RBFOX3: variants seen among roughly 807,000 people sequenced by gnomAD.
The protein encoded by RBFOX3 is RNA binding fox-1 homolog 3, also known as RNA binding protein fox-1 homolog 3.
Under a neutral mutation model 48.7 loss-of-function variants are expected in RBFOX3, and 17 were observed. That is an observed-to-expected ratio of 0.35 (90% CI 0.24 to 0.52). RBFOX3 has a LOEUF of 0.52. Ranked by LOEUF, RBFOX3 falls within the 20% of genes least tolerant of loss-of-function variation. RBFOX3 has a pLI of 0.94. For synonymous variants in RBFOX3, 212 were observed against 209.5 expected, an observed-to-expected ratio of 1.01 and a Z score of -0.10; for missense variants, 382 against 497.5, an observed-to-expected ratio of 0.77 and a Z score of 2.21.
chr17:79,244,985 C>T (rs2148109034), intron 3 of RBFOX3, among the ~76,000 whole-genome samples: 1 of 148,120 alleles, frequency 6.8e-6, no homozygotes, highest in East Asian at 2.0e-4. Flanking sequence ...CCCTCCCTCC[C>T]TTCCTTCCTC....
intron 4 of RBFOX3, among the ~76,000 whole-genome samples, chr17:79,173,856 C>T (rs2049923184): frequency 6.6e-6 from 1 of 150,412 alleles, no homozygotes; most frequent in South Asian, 2.1e-4. Context: ...ATTCTGAGAC[C>T]CTCTCCCCAC....
rs1568207900 is a variant in RBFOX3 at position 79,138,950 on chromosome 17, AGCCC to A, written c.-33-23206_-33-23203del. On this transcript the variant is annotated intron_variant, in intron 4 of 14. Coordinates refer to ENST00000693108, the MANE Select transcript of RBFOX3 (RefSeq NM_001350451.2). ...CAGCACATGCATTCACACCCCCCTC[AGCCC>A]CACACATGCACACAGCACATGCGTT... 9.3e-4 allele frequency among the ~76,000 whole-genome samples: 15 copies of A among 16,138 alleles called. 1 individual carries two copies. Among genetic ancestry groups the A allele is most frequent in the African/African-American group, 4.3e-3 (14 of 3,224 alleles). 10.6% of individuals were successfully genotyped at this position (16,138 alleles called of 152,430 possible). A position where few individuals can be genotyped will look rare whatever the true frequency, so the allele number is the denominator to read the frequency against.
At chr17:79,356,068 G>A (rs1180914199) in intron 2 of RBFOX3, among the ~76,000 whole-genome samples, 8 of 152,202 alleles carry the variant, frequency 5.3e-5, no homozygotes, top group Admixed American at 5.2e-4. Flanking sequence ...GAGCATGAAT[G>A]TGGGGATGTG....
At chr17:79,286,934 C>T (rs951650674) in intron 3 of RBFOX3, among the ~76,000 whole-genome samples, 1 of 152,204 alleles carries the variant, frequency 6.6e-6, no homozygotes, top group Non-Finnish European at 1.5e-5. Context: ...TTCCCTAATC[C>T]ACCCTATGTG....
chr17:79,569,996 GGATA>G (rs36129541), intron 1 of RBFOX3, among the ~76,000 whole-genome samples: 74,234 of 148,608 alleles, frequency 0.5, 20,603 homozygotes, highest in South Asian at 0.65. Context: ...ATGGATGGAT[GGATA>G]GATGAGTTAT....
At position 79,252,189 on chromosome 17, in the gene RBFOX3, C is replaced by T. The variant is rs1600230725; in HGVS notation, c.-73-16384G>A. ...GGCATTGCAGGGCCCCTTCTCCTTCCACCCTTTACTTTCTCCCCAGGCAAC... is the reference window on the plus strand; with the variant it reads ...GGCATTGCAGGGCCCCTTCTCCTTCTACCCTTTACTTTCTCCCCAGGCAAC... On this transcript the variant is annotated intron_variant, in intron 3 of 14. Coordinates refer to ENST00000693108, the MANE Select transcript of RBFOX3 (RefSeq NM_001350451.2). This position sits in a 1 kb window ranked among gnomAD's most constrained non-coding sequence, Gnocchi z 4.0. Among the ~76,000 whole-genome samples, 1 of 152,210 alleles carries T rather than the reference C, an allele frequency of 6.6e-6. No individual in the cohort carries two copies. Among genetic ancestry groups the T allele is most frequent in the African/African-American group, 2.4e-5 (1 of 41,462 alleles).
intron 4 of RBFOX3, among the ~76,000 whole-genome samples, chr17:79,168,304 A>G (rs994667785): frequency 6.6e-6 from 1 of 152,262 alleles, no homozygotes; most frequent in Non-Finnish European, 1.5e-5. Flanking sequence ...AAATTAAAAT[A>G]AATCCCACCA....
At chr17:79,101,353 T>C (rs967186761) in intron 9 of RBFOX3, among the ~76,000 whole-genome samples, 1 of 152,148 alleles carries the variant, frequency 6.6e-6, no homozygotes, top group African/African-American at 2.4e-5. Context: ...ACTCCAGCTA[T>C]GGCTGACTGT....
chr17:79,352,673 C>T lies in RBFOX3; in HGVS notation c.-174-44849G>A, dbSNP rs78724541. ...TCTGGTTTACTGGTGTGGCCCACAC[C>T]TCCTAGGGTTCCCTTACATCCACAG... On this transcript the variant is annotated intron_variant, in intron 2 of 14. Coordinates refer to ENST00000693108, the MANE Select transcript of RBFOX3 (RefSeq NM_001350451.2). Among the ~76,000 whole-genome samples, 348 of 152,272 alleles carry T rather than the reference C, an allele frequency of 2.3e-3. 1 individual carries two copies. The highest frequency in any genetic ancestry group is 7.9e-3 in the African/African-American group (330 of 41,566).
At chr17:79,506,925 C>T (rs902624392) in intron 1 of RBFOX3, among the ~76,000 whole-genome samples, 1 of 152,322 alleles carries the variant, frequency 6.6e-6, no homozygotes, top group South Asian at 2.1e-4. Flanking sequence ...CCAGTCACCA[C>T]AGGAGGCCTG....
rs2081601375 is a variant in RBFOX3, at chr17:79,496,800, T to C, written c.-319-14202A>G. On this transcript the variant is annotated intron_variant, in intron 1 of 14. Coordinates refer to ENST00000693108, the MANE Select transcript of RBFOX3 (RefSeq NM_001350451.2). ...TGAGCCTCCCATGCGTTATCTTAGG[T>C]GTTCACGAGATTGTCACGTGAATGC... 2.0e-5 allele frequency among the ~76,000 whole-genome samples: 3 copies of C among 152,200 alleles called. No homozygotes were observed. In the South Asian group the frequency reaches 6.2e-4, roughly 32 times the overall value.
chr17:79,562,727 A>T (rs902093129), intron 1 of RBFOX3, among the ~76,000 whole-genome samples: 185 of 152,292 alleles, frequency 1.2e-3, no homozygotes, highest in African/African-American at 4.1e-3. Flanking sequence ...GCTGGAGATA[A>T]GGGAATCGGG....
At chr17:79,156,707 C>G (rs1158015685) in intron 4 of RBFOX3, among the ~76,000 whole-genome samples, 1 of 152,234 alleles carries the variant, frequency 6.6e-6, no homozygotes, top group Admixed American at 6.5e-5. Context: ...GGAGTTGCAG[C>G]AGAGGCTGTG....
the RBFOX3 span, among the ~76,000 whole-genome samples, chr17:79,626,344 G>T: frequency 6.6e-6 from 1 of 152,122 alleles, no homozygotes; most frequent in Non-Finnish European, 1.5e-5. Context: ...AAAAGAAAAG[G>T]GGGAAAGCCT....
chr17:79,591,701 TG>T (rs2145104762), intron 1 of RBFOX3, among the ~76,000 whole-genome samples: 1 of 152,122 alleles, frequency 6.6e-6, no homozygotes, highest in East Asian at 1.9e-4. Context: ...GGGCAAGGGT[TG>T]GGGCACAGAT....
chr17:79,492,579 C>A (rs888070102), intron 1 of RBFOX3, among the ~76,000 whole-genome samples: 1 of 152,222 alleles, frequency 6.6e-6, no homozygotes, highest in Admixed American at 6.5e-5. Flanking sequence ...CCTGCGGCCC[C>A]GGCCAACATA....
chr17:79,661,940 T>G, the RBFOX3 span, among the ~76,000 whole-genome samples: 1 of 152,150 alleles, frequency 6.6e-6, no homozygotes, highest in Non-Finnish European at 1.5e-5. Flanking sequence ...TCCTTGCCTT[T>G]TTGCTCTCTT....
the RBFOX3 span, among the ~76,000 whole-genome samples, chr17:79,650,907 T>C: frequency 6.6e-6 from 1 of 152,322 alleles, no homozygotes; most frequent in African/African-American, 2.4e-5. Context: ...AAGATGGCTC[T>C]GCCTCTCGTG....
At chr17:79,561,888 C>T (rs1422629192) in intron 1 of RBFOX3, among the ~76,000 whole-genome samples, 1 of 152,170 alleles carries the variant, frequency 6.6e-6, no homozygotes. Context: ...TCCCTGGCAT[C>T]AGGGGGAGGG....
Sources: gnomAD v4.1 joint callset for allele counts (sites outside exome capture counted in the v4.1 genomes callset) on GRCh38, gnomAD v4.1.1 for gene constraint, Gnocchi (gnomAD v3.1) non-coding constraint, MANE v1.5 for transcripts, NCBI Gene and HGNC (gene_info 2026-07-23, HGNC 2026-07-21) for gene names.